Variants in KHDRBS2 observed in about 807,000 individuals in gnomAD.
The protein encoded by KHDRBS2 is KH domain-containing, RNA-binding, signal transduction-associated protein 2.
In KHDRBS2, 26 loss-of-function variants were observed where a neutral mutation model predicts 44.3. The observed-to-expected ratio is 0.59, with a 90% CI of 0.43 to 0.81. KHDRBS2 has a LOEUF of 0.81. Ranked by LOEUF, KHDRBS2 falls within the 40% of genes least tolerant of loss-of-function variation. KHDRBS2 has a pLI of 0.00. For missense variants in KHDRBS2, 476 were observed against 433.1 expected, an observed-to-expected ratio of 1.10 and a Z score of -0.88; for synonymous variants, 194 against 151.1, an observed-to-expected ratio of 1.28 and a Z score of -2.08.
chr6:61,880,869 A>G (rs1289254261), intron 6 of KHDRBS2, among the ~76,000 whole-genome samples: 2 of 152,002 alleles, frequency 1.3e-5, no homozygotes, highest in Non-Finnish European at 2.9e-5. Flanking sequence ...TCCTGTTTCC[A>G]AAAAGAAACT....
At chr6:62,167,468 G>T (rs1336896938) in intron 2 of KHDRBS2, among the ~76,000 whole-genome samples, 6 of 152,114 alleles carry the variant, frequency 3.9e-5, no homozygotes, top group Non-Finnish European at 8.8e-5. Context: ...TAATACCACT[G>T]AAAATTTCTA....
chr6:61,993,127 T>A (rs1776451692), intron 3 of KHDRBS2, among the ~76,000 whole-genome samples: 1 of 152,130 alleles, frequency 6.6e-6, no homozygotes, highest in Non-Finnish European at 1.5e-5. Context: ...TTGGGAAAAG[T>A]GTAAAGGCAG....
At chr6:61,624,563 T>C in the KHDRBS2 span, among the ~76,000 whole-genome samples, 1 of 152,170 alleles carries the variant, frequency 6.6e-6, no homozygotes, top group African/African-American at 2.4e-5. Flanking sequence ...ATGGAATCTG[T>C]AACATAACAT....
At chr6:62,079,541 C>T (rs748567907) in intron 2 of KHDRBS2, among the ~76,000 whole-genome samples, 22 of 152,142 alleles carry the variant, frequency 1.4e-4, no homozygotes, top group East Asian at 5.8e-4. Context: ...TGAGCATCTT[C>T]GTAATGGCAC....
chr6:62,081,274 T>G (rs1250726395), intron 2 of KHDRBS2, among the ~76,000 whole-genome samples: 4 of 152,140 alleles, frequency 2.6e-5, no homozygotes, highest in African/African-American at 4.8e-5. Flanking sequence ...TAATGAAGTT[T>G]CTTGGGGTTA....
At chr6:61,671,997 TC>T in the KHDRBS2 span, among the ~76,000 whole-genome samples, 1 of 151,300 alleles carries the variant, frequency 6.6e-6, no homozygotes, top group East Asian at 2.0e-4. Context: ...CCCTGCCCCC[TC>T]CCCCAACCCC....
At chr6:61,826,495 G>T (rs1325311572) in intron 6 of KHDRBS2, among the ~76,000 whole-genome samples, 3 of 151,976 alleles carry the variant, frequency 2.0e-5, no homozygotes, top group Non-Finnish European at 4.4e-5. Flanking sequence ...CCCTTTCAGA[G>T]AAGGGGTTTT....
At chr6:62,150,276 GC>G (rs1814852724) in intron 2 of KHDRBS2, among the ~76,000 whole-genome samples, 1 of 149,610 alleles carries the variant, frequency 6.7e-6, no homozygotes, top group Admixed American at 6.7e-5. Flanking sequence ...GACAGTTGAT[GC>G]AGGGATCATG....
At chr6:61,830,089 C>G (rs1226493492) in intron 6 of KHDRBS2, among the ~76,000 whole-genome samples, 1 of 151,964 alleles carries the variant, frequency 6.6e-6, no homozygotes, top group Non-Finnish European at 1.5e-5. Context: ...GTCTGAGAGC[C>G]TGAAGGAAAA....
intron 2 of KHDRBS2, among the ~76,000 whole-genome samples, chr6:62,053,344 C>T (rs185419323): frequency 6.6e-6 from 1 of 151,422 alleles, no homozygotes; most frequent in Non-Finnish European, 1.5e-5. Context: ...TAGACCAAAG[C>T]CACTCATAAA....
At chr6:62,258,787 G>A (rs1387058342) in intron 1 of KHDRBS2, among the ~76,000 whole-genome samples, 2 of 151,874 alleles carry the variant, frequency 1.3e-5, no homozygotes, top group South Asian at 2.1e-4. Context: ...TTAGATACGG[G>A]ATACTCAACC....
intron 3 of KHDRBS2, among the ~76,000 whole-genome samples, chr6:62,036,714 A>G (rs1388323691): frequency 2.0e-5 from 3 of 151,978 alleles, no homozygotes; most frequent in African/African-American, 7.2e-5. Flanking sequence ...AATGACCTTC[A>G]TGTTTATGTT....
rs560326387 is a variant in KHDRBS2, at chr6:61,737,486, G to A, written c.811-4722C>T. Among the ~76,000 whole-genome samples the A allele has an allele frequency of 3.9e-5, 6 of 152,088 alleles. No individual in the cohort carries two copies. In the South Asian group the frequency reaches 8.3e-4, roughly 21 times the overall value. On this transcript the variant is annotated intron_variant, in intron 6 of 8. Coordinates refer to ENST00000281156, the MANE Select transcript of KHDRBS2 (RefSeq NM_152688.4). ...AACAGTAAACTATCATTAGACAACC[G>A]TCACAAAATGAAAAGCATAACAACG...
At chr6:61,672,455 C>T in the KHDRBS2 span, among the ~76,000 whole-genome samples, 29,137 of 151,848 alleles carry the variant, frequency 0.19, 2,939 homozygotes, top group African/African-American at 0.23. Context: ...AGTTTACAGT[C>T]CCACCAACAG....
intron 6 of KHDRBS2, among the ~76,000 whole-genome samples, chr6:61,785,212 G>T (rs1238741920): frequency 6.6e-6 from 1 of 151,638 alleles, no homozygotes; most frequent in African/African-American, 2.4e-5. Flanking sequence ...AAACAAAAAA[G>T]AGGGAAGAGT....
the KHDRBS2 span, among the ~76,000 whole-genome samples, chr6:61,658,912 A>G: frequency 6.6e-6 from 1 of 151,894 alleles, no homozygotes; most frequent in South Asian, 2.1e-4. Context: ...AAAATACGAC[A>G]AGGAATTTCA....
At chr6:61,814,301 A>G (rs1715022) in intron 6 of KHDRBS2, among the ~76,000 whole-genome samples, 100,163 of 152,066 alleles carry the variant, frequency 0.66, 34,321 homozygotes, top group African/African-American at 0.86. Context: ...CAATCTAAGA[A>G]CTAATTAGTT....
intron 1 of KHDRBS2, among the ~76,000 whole-genome samples, chr6:62,195,850 G>A (rs1460963704): frequency 6.6e-6 from 1 of 152,038 alleles, no homozygotes; most frequent in African/African-American, 2.4e-5. Flanking sequence ...ACTGAGCCCT[G>A]TTTCACATGA....
intron 1 of KHDRBS2, among the ~76,000 whole-genome samples, chr6:62,210,723 G>T (rs984046203): frequency 6.6e-6 from 1 of 151,936 alleles, no homozygotes; most frequent in Non-Finnish European, 1.5e-5. Flanking sequence ...TATTTTAACA[G>T]AGAAACCTGA....
Sources: gnomAD v4.1 joint callset for allele counts (sites outside exome capture counted in the v4.1 genomes callset) on GRCh38, gnomAD v4.1.1 for gene constraint, MANE v1.5 for transcripts, NCBI Gene and HGNC (gene_info 2026-07-23, HGNC 2026-07-21) for gene names.